The following ACCSL variants were observed in gnomAD, a reference collection of about 807,000 sequenced individuals.
ACCSL encodes probable inactive 1-aminocyclopropane-1-carboxylate synthase-like protein 2.
A neutral mutation model predicts 61.7 loss-of-function variants in ACCSL; 55 were observed. The ratio of observed to expected loss-of-function variants is 0.89; its 90% CI spans 0.72 to 1.12. The LOEUF is 1.12. ACCSL is among the 50% of genes most tolerant of loss of function. ACCSL has a pLI of 0.00. For missense variants in ACCSL, 632 were observed against 698.0 expected, an observed-to-expected ratio of 0.91 and a Z score of 1.07; for synonymous variants, 258 against 264.3, an observed-to-expected ratio of 0.98 and a Z score of 0.23.
At chr11:43,940,500 C>T in the ACCSL span, among the ~76,000 whole-genome samples, 1 of 151,550 alleles carries the variant, frequency 6.6e-6, no homozygotes, top group African/African-American at 2.4e-5. Flanking sequence ...GGACTACAGG[C>T]ACCCGCTGCC....
chr11:43,934,133 C>T, the ACCSL span, among the ~76,000 whole-genome samples: 1 of 152,184 alleles, frequency 6.6e-6, no homozygotes, highest in African/African-American at 2.4e-5. Context: ...TCCCTCTCCT[C>T]TCTCTCCCTC....
At chr11:43,982,066 TGGG>T in the ACCSL span, among the ~76,000 whole-genome samples, 1 of 152,014 alleles carries the variant, frequency 6.6e-6, no homozygotes, top group Admixed American at 6.6e-5. Flanking sequence ...GAGCTGTTGG[TGGG>T]TTCTCGGGTG....
chr11:43,969,772 T>C, the ACCSL span, among the ~76,000 whole-genome samples: 1 of 152,116 alleles, frequency 6.6e-6, no homozygotes, highest in Non-Finnish European at 1.5e-5. Flanking sequence ...GCTTTCTCTG[T>C]CTCCTCATGT....
At chr11:43,970,618 T>C in the ACCSL span, among the ~76,000 whole-genome samples, 1 of 152,340 alleles carries the variant, frequency 6.6e-6, no homozygotes, top group African/African-American at 2.4e-5. Flanking sequence ...TTTGCCAATC[T>C]GTGAATTTTT....
the ACCSL span, among the ~76,000 whole-genome samples, chr11:44,001,522 C>T: frequency 2.4e-4 from 36 of 151,922 alleles, no homozygotes; most frequent in Non-Finnish European, 4.7e-4. Flanking sequence ...TAGAGAAGAT[C>T]GGGAGTCAGG....
At chr11:44,013,611 G>GT in the ACCSL span, among the ~76,000 whole-genome samples, 1 of 152,132 alleles carries the variant, frequency 6.6e-6, no homozygotes, top group African/African-American at 2.4e-5. Flanking sequence ...CTTAATAATG[G>GT]TTTTCTCTGT....
chr11:44,005,005 C>CTGGTGG, the ACCSL span, among the ~76,000 whole-genome samples: 5 of 152,298 alleles, frequency 3.3e-5, no homozygotes, highest in African/African-American at 1.2e-4. Context: ...CGGAGGCCCA[C>CTGGTGG]TGGTGGTGGT....
the ACCSL span, among the ~76,000 whole-genome samples, chr11:44,042,624 TTGTTTTTTTTTTGTTTGTTTTG>T: frequency 2.2e-3 from 131 of 58,372 alleles, no homozygotes; most frequent in African/African-American, 6.6e-3. Flanking sequence ...GCCTTCCTGG[TTGTTTTTTTTTTGTTTGTTTTG>T]TTTGTTTTTT....
chr11:43,977,796 G>A, the ACCSL span, among the ~76,000 whole-genome samples: 1 of 152,158 alleles, frequency 6.6e-6, no homozygotes, highest in Non-Finnish European at 1.5e-5. Context: ...ACACTGACCT[G>A]GGTTTGAATC....
the ACCSL span, among the ~76,000 whole-genome samples, chr11:43,934,272 G>A: frequency 1.3e-5 from 2 of 152,214 alleles, no homozygotes; most frequent in Non-Finnish European, 2.9e-5. Context: ...TAAGGCTGAA[G>A]CAGTTGGTTA....
chr11:43,956,369 G>T, the ACCSL span, among the ~76,000 whole-genome samples: 6 of 152,260 alleles, frequency 3.9e-5, no homozygotes, highest in South Asian at 1.0e-3. Context: ...ATTAACAAAG[G>T]CAAGAGGGGG....
chr11:43,993,851 G>A, the ACCSL span, among the ~76,000 whole-genome samples: 6 of 152,208 alleles, frequency 3.9e-5, no homozygotes, highest in Non-Finnish European at 8.8e-5. Context: ...GCGATTGGGC[G>A]GTGAACGGGC....
At chr11:43,962,427 C>A in the ACCSL span, among the ~76,000 whole-genome samples, 1 of 152,138 alleles carries the variant, frequency 6.6e-6, no homozygotes, top group Non-Finnish European at 1.5e-5. Context: ...AGATGACGTT[C>A]GCAAGGACTG....
the ACCSL span, among the ~76,000 whole-genome samples, chr11:44,042,530 T>C: frequency 1.3e-5 from 2 of 152,084 alleles, no homozygotes; most frequent in East Asian, 3.9e-4. Context: ...ACTATGTTGA[T>C]GAGGGTGGTC....
At chr11:44,050,698 C>A in intron 3 of ACCSL, 76 bp downstream of exon 3, 1 of 1,423,602 alleles carries the variant, frequency 7.0e-7, no homozygotes, top group Non-Finnish European at 9.8e-7. Context: ...TTCAAGGCAC[C>A]AAATTCCTGG....
At chr11:44,051,240 AGAAAAG>A in intron 3 of ACCSL, 89 bp from the exon 4 acceptor site, 1 of 1,270,824 alleles carries the variant, frequency 7.9e-7, no homozygotes, top group East Asian at 2.3e-5. Context: ...TGGACTGAGT[AGAAAAG>A]GTCCCTGTTA....
chr11:44,023,224 T>C, the ACCSL span, among the ~76,000 whole-genome samples: 2 of 151,978 alleles, frequency 1.3e-5, no homozygotes, highest in Non-Finnish European at 2.9e-5. Flanking sequence ...GCTACTTTTT[T>C]ATACTTTTAG....
chr11:43,967,578 G>A, the ACCSL span, among the ~76,000 whole-genome samples: 1 of 152,030 alleles, frequency 6.6e-6, no homozygotes, highest in Non-Finnish European at 1.5e-5. Flanking sequence ...CCTTCACAGA[G>A]GTAATCGTTT....
the ACCSL span, among the ~76,000 whole-genome samples, chr11:43,988,801 CTCT>C: frequency 8.0e-6 from 1 of 124,694 alleles, no homozygotes; most frequent in Non-Finnish European, 1.6e-5. Flanking sequence ...TGCTGATTCT[CTCT>C]TCTTTTTTTT....
Sources: allele counts gnomAD v4.1 joint callset (sites outside exome capture counted in the v4.1 genomes callset), GRCh38; gene constraint gnomAD v4.1.1; transcripts MANE v1.5; gene names NCBI Gene and HGNC (gene_info 2026-07-23, HGNC 2026-07-21).